Variants in MTR observed in about 807,000 individuals in gnomAD.
The protein encoded by MTR is methionine synthase.
Under a neutral mutation model 154.8 loss-of-function variants are expected in MTR, and 84 were observed. The observed-to-expected ratio is 0.54, with a 90% CI of 0.45 to 0.65. The LOEUF (loss-of-function observed/expected upper bound fraction) is 0.65. Among genes scored for constraint, MTR ranks in the 30% least tolerant of loss-of-function variants. MTR has a pLI of 0.00. For missense variants in MTR, 1,275 were observed against 1,570.2 expected, an observed-to-expected ratio of 0.81 and a Z score of 3.18; for synonymous variants, 554 against 553.9, an observed-to-expected ratio of 1.00 and a Z score of 0.00.
intron 18 of MTR, among the ~76,000 whole-genome samples, chr1:236,856,773 C>T (rs1664231311): frequency 1.3e-5 from 2 of 152,136 alleles, no homozygotes. Flanking sequence ...TGAGTGAGAA[C>T]ATGCAGTGTT....
At chr1:236,810,618 C>A in intron 5 of MTR, 23 bp downstream of exon 5, 1 of 1,588,752 alleles carries the variant, frequency 6.3e-7, no homozygotes, top group South Asian at 1.1e-5. Flanking sequence ...CACATATAAT[C>A]ATTGATCTTG....
At chr1:236,903,978 CTGATA>C (rs1468749981) in exon 33 of MTR, 2 of 151,950 alleles carry the variant, frequency 1.3e-5, no homozygotes, top group South Asian at 2.1e-4. Context: ...ATATTTTAAC[CTGATA>C]TGATAGATTG....
intron 22 of MTR, among the ~76,000 whole-genome samples, chr1:236,871,738 C>T (rs918804947): frequency 3.3e-5 from 5 of 152,144 alleles, no homozygotes; most frequent in East Asian, 1.9e-4. Flanking sequence ...ACACCTCCAG[C>T]GTGCATTTGC....
At chr1:236,893,335 G>A (rs145273284) in intron 29 of MTR, among the ~76,000 whole-genome samples, 6 of 152,238 alleles carry the variant, frequency 3.9e-5, no homozygotes, top group East Asian at 1.9e-4. Context: ...CTTCCACGGC[G>A]GGCAACGAGC....
At chr1:236,897,140 A>G in intron 32 of MTR, 22 bp downstream of exon 32, 8 of 1,525,586 alleles carry the variant, frequency 5.2e-6, no homozygotes, top group Non-Finnish European at 7.3e-6. Flanking sequence ...GTTGCATTAT[A>G]TGTGGCTTGC....
intron 22 of MTR, among the ~76,000 whole-genome samples, chr1:236,870,177 G>C (rs967421104): frequency 6.6e-6 from 1 of 152,222 alleles, no homozygotes; most frequent in African/African-American, 2.4e-5. Context: ...TGTGGAAATA[G>C]TGAGAATTGC....
chr1:236,811,691 G>A (rs996611852), intron 5 of MTR: 1 of 456,124 alleles, frequency 2.2e-6, no homozygotes, highest in African/African-American at 2.0e-5. Flanking sequence ...GGCTGTACAA[G>A]GTGAAGTACG....
chr1:236,838,331 A>G, intron 14 of MTR, 83 bp from the exon 15 acceptor site: 1 of 1,368,098 alleles, frequency 7.3e-7, no homozygotes, highest in Non-Finnish European at 1.0e-6. Flanking sequence ...TAAAGAAGAA[A>G]TAGGGAATAC....
Position 236,900,185 on chromosome 1 carries a change from G to T in MTR, c.*2541G>T, listed in dbSNP as rs866150592. 4.9e-6 allele frequency: 2 copies of T among 409,256 alleles called. No homozygotes were observed. The highest frequency in any genetic ancestry group is 3.4e-4 in the Middle Eastern group (1 of 2,916). The allele number at this position is 409,256 out of a possible 1,614,324, so 25.4% of individuals were successfully genotyped here. ...ATGTATGTCTGTCTACAGGAAAATA[G>T]GTGAATAATTAGATATATATATTCA... On this transcript the variant is annotated 3_prime_UTR_variant, in exon 33 of 33. Coordinates refer to ENST00000366577, the MANE Select transcript of MTR (RefSeq NM_000254.3).
intron 18 of MTR, among the ~76,000 whole-genome samples, chr1:236,858,338 C>A (rs1219486288): frequency 6.6e-6 from 1 of 152,122 alleles, no homozygotes; most frequent in African/African-American, 2.4e-5. Context: ...CTCACTATCA[C>A]AAGAACAGCA....
At chr1:236,885,271 G>T (rs1384267483) in intron 26 of MTR, 52 bp downstream of exon 26, 1 of 1,119,678 alleles carries the variant, frequency 8.9e-7, no homozygotes, top group East Asian at 2.4e-5. Context: ...TGTTTTTTAT[G>T]ATCCTAGTTT....
chr1:236,891,103 A>G (rs763294256), intron 28 of MTR, 30 bp from the exon 29 acceptor site: 1 of 1,611,506 alleles, frequency 6.2e-7, no homozygotes, highest in South Asian at 1.1e-5. Context: ...TGGCATCTTT[A>G]AGTGAATTCT....
At chr1:236,800,097 G>A in intron 1 of MTR, 1 of 985,348 alleles carries the variant, frequency 1.0e-6, no homozygotes, top group Non-Finnish European at 1.2e-6. Flanking sequence ...CCATGGAAAA[G>A]TACTAAGACT....
In MTR at chr1:236,890,170, G is replaced by T. The variant is rs114687671; in HGVS notation, c.3007+834G>T. On this transcript the variant is annotated intron_variant, in intron 28 of 32. Coordinates refer to ENST00000366577, the MANE Select transcript of MTR (RefSeq NM_000254.3). ...CACGGGGGGGCGTGCCTGGGTGTGC[G>T]TGTTCGGATGCTGAGACTCAGGAAC... Among the ~76,000 whole-genome samples, 255 of 152,204 alleles carry T rather than the reference G, an allele frequency of 1.7e-3. 1 individual carries two copies. Among genetic ancestry groups the T allele is most frequent in the African/African-American group, 5.9e-3 (246 of 41,528 alleles).
intron 25 of MTR, 33 bp downstream of exon 25, chr1:236,880,869 G>A (rs775848911): frequency 1.9e-6 from 3 of 1,571,226 alleles, no homozygotes; most frequent in Admixed American, 3.3e-5. Flanking sequence ...TATTCCAGAT[G>A]TGTTGGAAAG....
intron 22 of MTR, among the ~76,000 whole-genome samples, chr1:236,869,789 T>A (rs1388851648): frequency 6.6e-6 from 1 of 152,162 alleles, no homozygotes; most frequent in Non-Finnish European, 1.5e-5. Context: ...CTTCTCCGAC[T>A]TCACATACCC....
At chr1:236,835,395 T>A in intron 13 of MTR, 152 bp from the exon 14 acceptor site, 1 of 827,958 alleles carries the variant, frequency 1.2e-6, no homozygotes, top group Non-Finnish European at 2.0e-6. Flanking sequence ...TTGTGATGAG[T>A]GATGGGTGGA....
intron 29 of MTR, among the ~76,000 whole-genome samples, chr1:236,893,302 C>G (rs79744690): frequency 0.018 from 2,688 of 152,298 alleles, 84 homozygotes; most frequent in African/African-American, 0.061. Context: ...ATTTCCTGCC[C>G]TGTGTCAATG....
intron 1 of MTR, among the ~76,000 whole-genome samples, chr1:236,802,761 G>A (rs554324620): frequency 2.6e-5 from 4 of 152,238 alleles, no homozygotes; most frequent in African/African-American, 9.6e-5. Flanking sequence ...GAGGCTGAAC[G>A]TTGCAAGTTT....
Sources: allele counts gnomAD v4.1 joint callset (sites outside exome capture counted in the v4.1 genomes callset), GRCh38; gene constraint gnomAD v4.1.1; transcripts MANE v1.5; gene names NCBI Gene and HGNC (gene_info 2026-07-23, HGNC 2026-07-21).